FRMD4A: variants seen among roughly 807,000 people sequenced by gnomAD.
FRMD4A encodes the protein FERM domain-containing protein 4A.
Under a neutral mutation model 129.1 loss-of-function variants are expected in FRMD4A, and 29 were observed. The observed-to-expected ratio is 0.22, with a 90% confidence interval of 0.17 to 0.31. FRMD4A has a LOEUF of 0.31. Among genes scored for constraint, FRMD4A ranks in the 10% least tolerant of loss-of-function variants. FRMD4A has a pLI of 1.00. For missense variants in FRMD4A, 1,272 were observed against 1,375.8 expected (o/e 0.92, Z 1.19); for synonymous variants, 634 against 571.6 (o/e 1.11, Z -1.56).
chr10:13,827,856 C>G (rs2093726769), intron 3 of FRMD4A, among the ~76,000 whole-genome samples: 1 of 152,224 alleles, frequency 6.6e-6, no homozygotes, highest in South Asian at 2.1e-4. Flanking sequence ...CTGCTCCTGC[C>G]TGCTTCGGGG....
chr10:13,781,368 CTTTTTTT>C (rs1161094661), intron 6 of FRMD4A, among the ~76,000 whole-genome samples: 1 of 70,708 alleles, frequency 1.4e-5, no homozygotes, highest in African/African-American at 5.6e-5. Context: ...ATGGATGAAC[CTTTTTTT>C]TTTTTTTTTT....
intron 3 of FRMD4A, among the ~76,000 whole-genome samples, chr10:13,812,655 T>A (rs1250583378): frequency 6.6e-6 from 1 of 152,226 alleles, no homozygotes; most frequent in Non-Finnish European, 1.5e-5. Context: ...CACCCTTTTC[T>A]GTCTCACTCC....
intron 2 of FRMD4A, among the ~76,000 whole-genome samples, chr10:14,182,795 T>C (rs903923565): frequency 1.1e-4 from 17 of 152,014 alleles, no homozygotes; most frequent in African/African-American, 3.9e-4. Flanking sequence ...ACTCCAAGGA[T>C]TAGAGGTAAC....
chr10:14,063,189 CTTT>C (rs1834896546), intron 2 of FRMD4A, among the ~76,000 whole-genome samples: 2 of 121,156 alleles, frequency 1.7e-5, no homozygotes, highest in Non-Finnish European at 3.6e-5. Context: ...TTTTTTTTTT[CTTT>C]TTAAGATTAA....
rs545353762 is a variant in FRMD4A at position 13,895,939 on chromosome 10, C to T, written c.46-37027G>A. ...AAAAAATCTCGTCATCACTGGTCAT[C>T]AGAGAAATGCAAATCAAAACCACAA... On this transcript the variant is annotated intron_variant, in intron 2 of 24. Coordinates refer to ENST00000357447, the MANE Select transcript of FRMD4A (RefSeq NM_018027.5). 3.9e-5 allele frequency among the ~76,000 whole-genome samples: 6 copies of T among 152,314 alleles called. No homozygotes were observed. The South Asian group carries it at 1.0e-3, about 26-fold the overall frequency.
intron 16 of FRMD4A, among the ~76,000 whole-genome samples, chr10:13,673,087 C>T (rs1015665845): frequency 6.6e-6 from 1 of 152,096 alleles, no homozygotes; most frequent in Non-Finnish European, 1.5e-5. Context: ...GATTCCCTGC[C>T]GGGTTTAGGG....
At chr10:14,247,609 T>C (rs889375594) in intron 2 of FRMD4A, among the ~76,000 whole-genome samples, 1 of 152,162 alleles carries the variant, frequency 6.6e-6, no homozygotes, top group East Asian at 1.9e-4. Flanking sequence ...TGTCAAAACC[T>C]GGCAGAGGAA....
intron 2 of FRMD4A, chr10:14,083,866 T>C (rs1836083452): frequency 6.6e-6 from 1 of 152,218 alleles, no homozygotes; most frequent in Non-Finnish European, 1.5e-5. Context: ...TCTCCCCACC[T>C]TCGCACAACT....
At chr10:13,760,908 T>A (rs1397398941) in intron 8 of FRMD4A, among the ~76,000 whole-genome samples, 3 of 145,106 alleles carry the variant, frequency 2.1e-5, no homozygotes, top group Non-Finnish European at 4.5e-5. Flanking sequence ...TCAAACAGAA[T>A]CCCAGGAATA....
intron 2 of FRMD4A, among the ~76,000 whole-genome samples, chr10:14,222,363 C>T (rs781356816): frequency 6.6e-5 from 10 of 152,124 alleles, no homozygotes; most frequent in African/African-American, 1.4e-4. Context: ...CTCTAGCGTG[C>T]GAAATGCGTA....
intron 2 of FRMD4A, among the ~76,000 whole-genome samples, chr10:13,964,763 C>A (rs969262414): frequency 1.3e-5 from 2 of 151,598 alleles, no homozygotes; most frequent in Non-Finnish European, 2.9e-5. Context: ...CCTCTGCCTC[C>A]CTGCAACCTC....
intron 2 of FRMD4A, among the ~76,000 whole-genome samples, chr10:14,189,866 T>A (rs1198191910): frequency 5.3e-5 from 8 of 152,088 alleles, no homozygotes; most frequent in Admixed American, 2.0e-4. Context: ...GGAATTTGAG[T>A]CGGCCTCAGT....
chr10:13,696,763 G>A (rs563249440), intron 14 of FRMD4A, among the ~76,000 whole-genome samples: 3 of 152,058 alleles, frequency 2.0e-5, no homozygotes, highest in Non-Finnish European at 4.4e-5. Flanking sequence ...AAAAAGACCT[G>A]AATTAGAATC....
chr10:14,308,314 T>C (rs917209501), intron 2 of FRMD4A, among the ~76,000 whole-genome samples: 1 of 152,226 alleles, frequency 6.6e-6, no homozygotes, highest in East Asian at 1.9e-4. Flanking sequence ...GGAAGAAATG[T>C]GCCAAAGATA....
intron 2 of FRMD4A, among the ~76,000 whole-genome samples, chr10:14,268,511 ATTTAT>A (rs1477484824): frequency 6.6e-6 from 1 of 152,190 alleles, no homozygotes; most frequent in Non-Finnish European, 1.5e-5. Flanking sequence ...CCCTCGATTT[ATTTAT>A]TTTTTCATTC....
At chr10:13,825,368 C>G (rs763744520) in intron 3 of FRMD4A, among the ~76,000 whole-genome samples, 1 of 152,172 alleles carries the variant, frequency 6.6e-6, no homozygotes, top group Non-Finnish European at 1.5e-5. Context: ...AGTACTGGTC[C>G]GTGGCCTGTT....
intron 2 of FRMD4A, among the ~76,000 whole-genome samples, chr10:14,145,193 G>A (rs547627488): frequency 2.6e-5 from 4 of 152,282 alleles, no homozygotes; most frequent in African/African-American, 9.6e-5. Context: ...CAGCAGAATC[G>A]CTAAGTAAGC....
intron 12 of FRMD4A, among the ~76,000 whole-genome samples, chr10:13,710,809 T>C (rs1158046094): frequency 1.3e-5 from 2 of 152,092 alleles, no homozygotes; most frequent in African/African-American, 4.8e-5. Flanking sequence ...GGTCAGGAGC[T>C]TGAGACCAGC....
chr10:13,981,714 G>A (rs2095561739), intron 2 of FRMD4A, among the ~76,000 whole-genome samples: 2 of 147,582 alleles, frequency 1.4e-5, no homozygotes, highest in Non-Finnish European at 3.0e-5. Flanking sequence ...ACTCCAGCCT[G>A]GGCAACAGGG....
Sources: allele counts gnomAD v4.1 joint callset (sites outside exome capture counted in the v4.1 genomes callset), GRCh38; gene constraint gnomAD v4.1.1; transcripts MANE v1.5; gene names NCBI Gene and HGNC (gene_info 2026-07-23, HGNC 2026-07-21).